NOL10: variants seen among roughly 807,000 people sequenced by gnomAD.
The protein encoded by NOL10 is nucleolar protein 10.
A neutral mutation model predicts 103.5 loss-of-function variants in NOL10; 58 were observed. The observed-to-expected ratio is 0.56, with a 90% CI of 0.45 to 0.70. NOL10 has a LOEUF of 0.70. NOL10 is among the 30% of genes least tolerant of loss of function. The pLI, the probability that NOL10 is intolerant of heterozygous loss-of-function variation, is 0.00. For synonymous variants in NOL10, 287 were observed against 282.5 expected (o/e 1.02, Z -0.16); for missense variants, 763 against 807.3 (o/e 0.95, Z 0.67).
At chr2:10,615,289 T>C (rs1019326959) in intron 13 of NOL10, among the ~76,000 whole-genome samples, 1 of 152,180 alleles carries the variant, frequency 6.6e-6, no homozygotes, top group Admixed American at 6.5e-5. Context: ...CATGACTTAA[T>C]ATTTGAAAAG....
chr2:10,659,118 C>A (rs1163783158), intron 10 of NOL10, 54 bp downstream of exon 10: 1 of 1,190,702 alleles, frequency 8.4e-7, no homozygotes. Context: ...ATGACACATA[C>A]ACACACCACT....
intron 3 of NOL10, among the ~76,000 whole-genome samples, chr2:10,678,186 C>T (rs542859338): frequency 3.3e-5 from 5 of 151,630 alleles, no homozygotes; most frequent in African/African-American, 1.2e-4. Context: ...GTAGCTGACA[C>T]TACAGGTGCA....
At chr2:10,638,886 T>C (rs947831469) in intron 13 of NOL10, among the ~76,000 whole-genome samples, 1 of 135,346 alleles carries the variant, frequency 7.4e-6, no homozygotes, top group Non-Finnish European at 1.5e-5. Context: ...CACTGCACCC[T>C]CTGCCTTCCA....
intron 13 of NOL10, among the ~76,000 whole-genome samples, chr2:10,627,508 T>C (rs1490245011): frequency 6.6e-6 from 1 of 152,048 alleles, no homozygotes; most frequent in Non-Finnish European, 1.5e-5. Flanking sequence ...ACCCCGTCTC[T>C]ACCAAAAATA....
chr2:10,606,629 T>A (rs1442113773), intron 14 of NOL10, among the ~76,000 whole-genome samples: 10 of 131,166 alleles, frequency 7.6e-5, no homozygotes, highest in Admixed American at 2.3e-4. Context: ...AAAAAAAAAA[T>A]ACTATCTGCA....
intron 14 of NOL10, among the ~76,000 whole-genome samples, chr2:10,606,535 G>A (rs1676268401): frequency 1.4e-5 from 2 of 146,768 alleles, no homozygotes; most frequent in African/African-American, 5.1e-5. Context: ...TTTAGCCTAG[G>A]AAGCGGAGGT....
chr2:10,657,650 A>G, intron 11 of NOL10, 92 bp downstream of exon 11: 8 of 1,126,578 alleles, frequency 7.1e-6, no homozygotes, highest in Non-Finnish European at 8.8e-6. Context: ...TCTCTTTCCC[A>G]ATAACCCACA....
At chr2:10,673,815 C>A (rs1159772441) in intron 4 of NOL10, among the ~76,000 whole-genome samples, 1 of 152,096 alleles carries the variant, frequency 6.6e-6, no homozygotes, top group Non-Finnish European at 1.5e-5. Context: ...AATATAATGA[C>A]TTCTAAATTC....
intron 17 of NOL10, among the ~76,000 whole-genome samples, chr2:10,599,945 G>A (rs535005585): frequency 2.7e-4 from 41 of 152,054 alleles, no homozygotes; most frequent in Admixed American, 2.7e-3. Context: ...AAGACAAAAG[G>A]AGCTCACCCA....
intron 13 of NOL10, among the ~76,000 whole-genome samples, chr2:10,611,741 C>T (rs894937223): frequency 1.3e-5 from 2 of 152,160 alleles, no homozygotes; most frequent in African/African-American, 4.8e-5. Flanking sequence ...CACAGTGGAA[C>T]CCCATCTCTA....
chr2:10,626,843 AAT>A (rs1445385666), intron 13 of NOL10, among the ~76,000 whole-genome samples: 2 of 152,250 alleles, frequency 1.3e-5, no homozygotes, highest in East Asian at 1.9e-4. Context: ...ACACTAACAC[AAT>A]ATATGTCATA....
At chr2:10,573,157 G>A (rs968040043) in intron 20 of NOL10, among the ~76,000 whole-genome samples, 4 of 151,930 alleles carry the variant, frequency 2.6e-5, no homozygotes, top group African/African-American at 4.8e-5. Context: ...GAAAAGCACC[G>A]TCTTATGGAC....
chr2:10,654,981 G>T (rs79697021), intron 11 of NOL10, among the ~76,000 whole-genome samples: 1 of 151,884 alleles, frequency 6.6e-6, no homozygotes, highest in African/African-American at 2.4e-5. Flanking sequence ...AGGCTGAGGC[G>T]TGGAGATGAC....
intron 14 of NOL10, among the ~76,000 whole-genome samples, chr2:10,603,951 T>A (rs972172241): frequency 5.3e-5 from 8 of 152,168 alleles, no homozygotes; most frequent in African/African-American, 1.7e-4. Context: ...TCCCCAACCT[T>A]TTTGGCACCA....
intron 13 of NOL10, among the ~76,000 whole-genome samples, chr2:10,622,461 AT>A (rs566043529): frequency 1.8e-4 from 25 of 137,750 alleles, no homozygotes; most frequent in South Asian, 4.5e-4. Flanking sequence ...ACAAGGTTAA[AT>A]TTTTTTTTTT....
intron 3 of NOL10, among the ~76,000 whole-genome samples, chr2:10,679,990 T>C (rs1396175780): frequency 2.0e-5 from 3 of 151,820 alleles, no homozygotes; most frequent in African/African-American, 7.3e-5. Flanking sequence ...AGGAAAGCCA[T>C]TAGGCCAGGC....
In NOL10 at chr2:10,572,110, G is replaced by A. The variant is rs772373432; in HGVS notation, c.2028C>T (p.His676=). ...GTCCTCTTTTGTGTCTTGACTTCAG[G>A]TGTCCGGCCGAACGACGGAGTCTTT... ...ERKRLRRSAG[H]LKSRHKRGRS... is the part of the protein sequence containing the mutation. The change falls in exon 21 of 21, where the codon CAC becomes CAT. Residue 676 remains histidine (H), a synonymous_variant. Transcript: ENST00000381685. The A allele has an allele frequency of 1.2e-6, 2 of 1,613,846 alleles. No homozygotes were observed. Among genetic ancestry groups the A allele is most frequent in the African/African-American group, 2.7e-5 (2 of 74,910 alleles).
At chr2:10,687,054 G>A (rs766092869) in intron 1 of NOL10, among the ~76,000 whole-genome samples, 75 of 152,298 alleles carry the variant, frequency 4.9e-4, no homozygotes, top group Non-Finnish European at 9.8e-4. Flanking sequence ...GGGAGTAAAC[G>A]TAGAGGCTTC....
intron 13 of NOL10, among the ~76,000 whole-genome samples, chr2:10,617,853 C>T (rs1178219493): frequency 6.6e-6 from 1 of 151,984 alleles, no homozygotes; most frequent in East Asian, 1.9e-4. Context: ...AAAAAACAGA[C>T]CACGTACTGT....
Sources: allele counts gnomAD v4.1 joint callset (sites outside exome capture counted in the v4.1 genomes callset), GRCh38; gene constraint gnomAD v4.1.1; transcripts MANE v1.5; gene names NCBI Gene and HGNC (gene_info 2026-07-23, HGNC 2026-07-21).